The following RBFOX1 variants were observed in gnomAD, a reference collection of about 807,000 sequenced individuals.
The protein encoded by RBFOX1 is RNA binding fox-1 homolog 1.
Under a neutral mutation model 57.7 loss-of-function variants are expected in RBFOX1, and 8 were observed. The observed-to-expected ratio is 0.14, with a 90% CI of 0.08 to 0.25. The LOEUF is 0.25. Ranked by LOEUF, RBFOX1 falls within the 10% of genes least tolerant of loss-of-function variation. RBFOX1 has a pLI of 1.00. For synonymous variants in RBFOX1, 326 were observed against 222.4 expected, an observed-to-expected ratio of 1.47 and a Z score of -4.15; for missense variants, 611 against 548.5, an observed-to-expected ratio of 1.11 and a Z score of -1.14.
At chr16:6,452,502 CA>C (rs2094655961) in intron 2 of RBFOX1, among the ~76,000 whole-genome samples, 1 of 152,130 alleles carries the variant, frequency 6.6e-6, no homozygotes. Flanking sequence ...ATTTTGTAGG[CA>C]AAAACTCATG....
chr16:5,891,267 GGGA>G (rs1166819056), intron 4 of RBFOX1, among the ~76,000 whole-genome samples: 1 of 152,168 alleles, frequency 6.6e-6, no homozygotes, highest in African/African-American at 2.4e-5. Flanking sequence ...CCAAGGGCAC[GGGA>G]GGAGCTGTCG....
At chr16:6,758,274 C>G (rs2076108360) in intron 3 of RBFOX1, among the ~76,000 whole-genome samples, 1 of 151,962 alleles carries the variant, frequency 6.6e-6, no homozygotes, top group Non-Finnish European at 1.5e-5. Flanking sequence ...TTGGTGTAAA[C>G]TAGAGATAAT....
chr16:5,539,309 G>A (rs2044834541), intron 2 of RBFOX1, among the ~76,000 whole-genome samples: 1 of 152,096 alleles, frequency 6.6e-6, no homozygotes, highest in Non-Finnish European at 1.5e-5. Context: ...AGGGAGTGAT[G>A]GGGCCAGCTA....
At chr16:7,203,542 T>C (rs1363580649) in intron 4 of RBFOX1, among the ~76,000 whole-genome samples, 1 of 152,218 alleles carries the variant, frequency 6.6e-6, no homozygotes, top group Admixed American at 6.5e-5. Flanking sequence ...AACTTTTATG[T>C]TGTATTTGTG....
intron 2 of RBFOX1, among the ~76,000 whole-genome samples, chr16:6,601,978 C>G (rs1289119499): frequency 6.6e-6 from 1 of 151,940 alleles, no homozygotes; most frequent in Admixed American, 6.6e-5. Context: ...CAACTCTTCT[C>G]TCTTGTCAGG....
At chr16:5,388,811 A>G (rs1356113278) in intron 1 of RBFOX1, among the ~76,000 whole-genome samples, 1 of 151,798 alleles carries the variant, frequency 6.6e-6, no homozygotes, top group African/African-American at 2.4e-5. Context: ...TCCTGACCTC[A>G]GATGATCCAC....
intron 7 of RBFOX1, among the ~76,000 whole-genome samples, chr16:7,590,726 G>T (rs976104445): frequency 6.6e-6 from 1 of 151,734 alleles, no homozygotes; most frequent in African/African-American, 2.4e-5. Context: ...GGGTGTGGTG[G>T]TGCATGCCTG....
intron 4 of RBFOX1, among the ~76,000 whole-genome samples, chr16:7,414,793 T>A (rs1176477542): frequency 6.6e-6 from 1 of 152,102 alleles, no homozygotes; most frequent in Non-Finnish European, 1.5e-5. Context: ...AATTTTTGTA[T>A]GTTTAGTAGA....
At chr16:7,601,528 C>G (rs186123192) in intron 9 of RBFOX1, among the ~76,000 whole-genome samples, 2 of 152,268 alleles carry the variant, frequency 1.3e-5, no homozygotes, top group East Asian at 3.9e-4. Context: ...CAGGTAAAAT[C>G]AGCAAACAGA....
intron 2 of RBFOX1, among the ~76,000 whole-genome samples, chr16:5,577,330 T>A (rs1302423858): frequency 6.6e-6 from 1 of 152,184 alleles, no homozygotes; most frequent in Admixed American, 6.5e-5. Context: ...TTCCTTCAGT[T>A]TGTGGGTGTT....
intron 2 of RBFOX1, among the ~76,000 whole-genome samples, chr16:6,652,235 G>T (rs1450872024): frequency 6.6e-6 from 1 of 152,142 alleles, no homozygotes; most frequent in East Asian, 1.9e-4. Context: ...CAGATCACTA[G>T]GTCAAGAGAT....
intron 3 of RBFOX1, among the ~76,000 whole-genome samples, chr16:6,925,833 C>T (rs2075474589): frequency 6.6e-6 from 1 of 151,854 alleles, no homozygotes; most frequent in African/African-American, 2.4e-5. Context: ...TTGGTGAGTT[C>T]CTTGCAAGGT....
chr16:7,328,156 A>T (rs2096636517), intron 4 of RBFOX1, among the ~76,000 whole-genome samples: 1 of 152,124 alleles, frequency 6.6e-6, no homozygotes, highest in Non-Finnish European at 1.5e-5. Flanking sequence ...GGTGTGCACC[A>T]CTGTGCCCAG....
At chr16:5,393,959 G>A (rs1289707654) in intron 1 of RBFOX1, among the ~76,000 whole-genome samples, 3 of 152,076 alleles carry the variant, frequency 2.0e-5, no homozygotes, top group South Asian at 2.1e-4. Context: ...TCATATAAGT[G>A]GAATCATACC....
At chr16:5,385,995 T>A (rs1351595937) in intron 1 of RBFOX1, among the ~76,000 whole-genome samples, 1 of 152,074 alleles carries the variant, frequency 6.6e-6, no homozygotes, top group Non-Finnish European at 1.5e-5. Context: ...GAGGAGGAAA[T>A]GAATGCCTCT....
intron 4 of RBFOX1, among the ~76,000 whole-genome samples, chr16:7,431,865 C>A (rs1598295239): frequency 6.6e-6 from 1 of 152,172 alleles, no homozygotes; most frequent in East Asian, 1.9e-4. Context: ...TAATTAGCTC[C>A]CCATTAGAAA....
chr16:7,383,233 T>C (rs1193650728), intron 4 of RBFOX1, among the ~76,000 whole-genome samples: 3 of 146,546 alleles, frequency 2.0e-5, no homozygotes, highest in African/African-American at 7.7e-5. Flanking sequence ...ATGTATCCCA[T>C]AAACATACAC....
At chr16:5,342,510 A>G (rs1311461919) in intron 1 of RBFOX1, among the ~76,000 whole-genome samples, 1 of 152,070 alleles carries the variant, frequency 6.6e-6, no homozygotes, top group African/African-American at 2.4e-5. Flanking sequence ...GGATAATAAT[A>G]TTTTCTATTT....
At chr16:5,325,006 G>A (rs2064525097) in intron 1 of RBFOX1, among the ~76,000 whole-genome samples, 2 of 152,188 alleles carry the variant, frequency 1.3e-5, no homozygotes, top group South Asian at 2.1e-4. Context: ...GTATTTGGGT[G>A]AAATCTGTAC....
Sources: gnomAD v4.1 joint callset for allele counts (sites outside exome capture counted in the v4.1 genomes callset) on GRCh38, gnomAD v4.1.1 for gene constraint, MANE v1.5 for transcripts, NCBI Gene and HGNC (gene_info 2026-07-23, HGNC 2026-07-21) for gene names.